DNAI4: variants seen among roughly 807,000 people sequenced by gnomAD.
DNAI4 encodes WD repeat domain 78.
DNAI4 carries 85 observed loss-of-function variants against 105.8 expected under a neutral mutation model. The observed-to-expected ratio is 0.80, with a 90% CI of 0.67 to 0.96. DNAI4 has a LOEUF of 0.96. DNAI4 is among the 40% of genes least tolerant of loss of function. The pLI, the probability that DNAI4 is intolerant of heterozygous loss-of-function variation, is 0.00. For synonymous variants in DNAI4, 352 were observed against 331.5 expected, an observed-to-expected ratio of 1.06 and a Z score of -0.67; for missense variants, 1,014 against 1,005.6, an observed-to-expected ratio of 1.01 and a Z score of -0.11.
At chr1:66,893,003 AAGAGAGAGAG>A (rs1557964747) in intron 3 of DNAI4, among the ~76,000 whole-genome samples, 3 of 111,996 alleles carry the variant, frequency 2.7e-5, no homozygotes, top group South Asian at 2.5e-4. Context: ...GAAAGAGAGA[AAGAGAGAGAG>A]GAAAGAAAGA....
chr1:66,893,121 G>C (rs533797469), intron 3 of DNAI4, 108 bp downstream of exon 3: 85 of 527,556 alleles, frequency 1.6e-4, no homozygotes, highest in South Asian at 8.5e-4. Context: ...AAGAAAGAAA[G>C]AAACTGGGAG....
rs1646845800 is a variant in DNAI4, at chr1:66,871,529, T to C, written c.801-20A>G. 6.4e-7 allele frequency: 1 copy of C among 1,551,814 alleles called. No homozygotes were observed. Among genetic ancestry groups the C allele is most frequent in the Non-Finnish European group, 8.7e-7 (1 of 1,150,590 alleles). On this transcript the variant is annotated intron_variant, in intron 5 of 16. Transcript: ENST00000371026. ...CTCTGACTGTAAAAAATAAAGTGTA[T>C]CCAACTCATTAATAAGAATCATCAC...
chr1:66,812,921 C>T lies in DNAI4; in HGVS notation c.*1209G>A, dbSNP rs1175240186. ...AGATCAAGTTTTTTATTTTCTTACA[C>T]AAGGTGTTATAGAAAATCCAATCTT... On this transcript the variant is annotated 3_prime_UTR_variant, in exon 17 of 17. Coordinates refer to ENST00000371026, the MANE Select transcript of DNAI4 (RefSeq NM_024763.5). 6.6e-6 allele frequency: 1 copy of T among 152,280 alleles called. No homozygotes were observed. The highest frequency in any genetic ancestry group is 1.9e-4 in the East Asian group (1 of 5,330). 9.4% of individuals were successfully genotyped at this position (152,280 alleles called of 1,614,324 possible).
chr1:66,824,412 C>T (rs1435172573), intron 15 of DNAI4, among the ~76,000 whole-genome samples: 9 of 152,174 alleles, frequency 5.9e-5, no homozygotes, highest in East Asian at 1.9e-4. Flanking sequence ...TGGTTCCATA[C>T]GAACTTTAAA....
chr1:66,882,713 T>G (rs1647100292), intron 4 of DNAI4, among the ~76,000 whole-genome samples: 1 of 152,152 alleles, frequency 6.6e-6, no homozygotes, highest in South Asian at 2.1e-4. Flanking sequence ...TACTTATGCT[T>G]GAAATCAGGT....
chr1:66,885,839 T>G (rs1647187842), intron 4 of DNAI4, among the ~76,000 whole-genome samples: 1 of 152,214 alleles, frequency 6.6e-6, no homozygotes, highest in African/African-American at 2.4e-5. Context: ...AGGTTTTGTG[T>G]TTTTGTTTTG....
intron 2 of DNAI4, among the ~76,000 whole-genome samples, chr1:66,903,885 C>T (rs1486578385): frequency 6.6e-6 from 1 of 152,106 alleles, no homozygotes; most frequent in Non-Finnish European, 1.5e-5. Flanking sequence ...AGGCATCCTC[C>T]TTTTGTTCTT....
intron 7 of DNAI4, among the ~76,000 whole-genome samples, chr1:66,849,304 TGCCC>T (rs76511429): frequency 0.22 from 33,683 of 151,920 alleles, 4,155 homozygotes; most frequent in East Asian, 0.55. Flanking sequence ...CTCCTATCAC[TGCCC>T]CATGGTAATG....
At chr1:66,865,060 T>G (rs1352759377) in intron 6 of DNAI4, among the ~76,000 whole-genome samples, 2 of 152,188 alleles carry the variant, frequency 1.3e-5, no homozygotes, top group African/African-American at 4.8e-5. Context: ...CGGTATATAT[T>G]TCATAATAAA....
rs887707695 is a variant in DNAI4 at position 66,905,379 on chromosome 1, T to C, written c.171-4A>G. 1 of 1,417,910 alleles carries C rather than the reference T, an allele frequency of 7.1e-7. No homozygotes were observed. Among genetic ancestry groups the C allele is most frequent in the Non-Finnish European group, 9.3e-7 (1 of 1,071,628 alleles). 87.8% of individuals were successfully genotyped at this position (1,417,910 alleles called of 1,614,324 possible). ...CTTTGGTTGTGTGGCATTGTTCCTA[T>C]ATAAGAAAAATAAAATATAATGCAA... On this transcript the variant is annotated splice_polypyrimidine_tract_variant and splice_region_variant and intron_variant, in intron 1 of 16. Transcript: ENST00000371026.
At chr1:66,909,098 A>G (rs755127246) in intron 1 of DNAI4, among the ~76,000 whole-genome samples, 5 of 152,106 alleles carry the variant, frequency 3.3e-5, no homozygotes, top group African/African-American at 9.7e-5. Flanking sequence ...TCTCTGCATC[A>G]TAAGTTTTTC....
rs771283507 is a variant in DNAI4, at chr1:66,827,922, A to C, written c.2014-12T>G. The stretch of plus-strand genomic sequence containing the variant: ...TAGATATTTGTGTCCTACAACACAA[A>C]ACATCGAAATGCATTGGCTTGTGAT... On this transcript the variant is annotated splice_polypyrimidine_tract_variant and intron_variant, in intron 13 of 16. Transcript: ENST00000371026. 3.2e-6 allele frequency: 5 copies of C among 1,539,638 alleles called. No homozygotes were observed. In the African/African-American group the frequency reaches 6.9e-5, roughly 21 times the overall value.
chr1:66,835,787 A>T lies in DNAI4; in HGVS notation c.1582-10T>A, dbSNP rs767614850. On this transcript the variant is annotated splice_polypyrimidine_tract_variant and intron_variant, in intron 10 of 16. Transcript: ENST00000371026. ...AAATACGTTCTGGCCACTAAATTTTAAAAAATTACATTTTCAATTTGTTTT... is the reference window on the plus strand; with the variant it reads ...AAATACGTTCTGGCCACTAAATTTTTAAAAATTACATTTTCAATTTGTTTT... The T allele has an allele frequency of 4.3e-6, 7 of 1,612,636 alleles. No individual in the cohort carries two copies. The Admixed American group carries it at 6.7e-5, about 15-fold the overall frequency.
chr1:66,840,347 CAA>C (rs1646122805), intron 9 of DNAI4, 120 bp downstream of exon 9: 9 of 920,068 alleles, frequency 9.8e-6, no homozygotes, highest in African/African-American at 1.7e-5. Context: ...TTCTAAAACT[CAA>C]AGTTATGGTC....
chr1:66,854,674 C>T (rs1224664127), intron 7 of DNAI4, among the ~76,000 whole-genome samples: 1 of 152,020 alleles, frequency 6.6e-6, no homozygotes, highest in East Asian at 1.9e-4. Context: ...TGGTGGTGTG[C>T]ACCTGTAATC....
At chr1:66,838,918 T>C (rs549660549) in intron 9 of DNAI4, among the ~76,000 whole-genome samples, 42 of 152,326 alleles carry the variant, frequency 2.8e-4, no homozygotes, top group African/African-American at 9.9e-4. Flanking sequence ...TCATTATTAC[T>C]GTATCTCTAG....
chr1:66,851,972 C>G (rs943778294), intron 7 of DNAI4, among the ~76,000 whole-genome samples: 2 of 151,846 alleles, frequency 1.3e-5, no homozygotes, highest in Admixed American at 1.3e-4. Context: ...TAAAGAATTT[C>G]TTCCTTGACA....
intron 7 of DNAI4, among the ~76,000 whole-genome samples, chr1:66,856,779 G>C (rs943543364): frequency 1.3e-5 from 2 of 151,864 alleles, no homozygotes; most frequent in Non-Finnish European, 2.9e-5. Flanking sequence ...GAAATATTTT[G>C]AACTAAATGA....
In DNAI4 at chr1:66,874,775, A is replaced by G; in HGVS notation, c.800+6T>C. On this transcript the variant is annotated splice_donor_region_variant and intron_variant, in intron 5 of 16. Coordinates refer to ENST00000371026, the MANE Select transcript of DNAI4 (RefSeq NM_024763.5). ...GAAACAATGTAGACAACTGAACCATACATACGTTACTTTCTCAGCTTCTTC... is the reference window on the plus strand; with the variant it reads ...GAAACAATGTAGACAACTGAACCATGCATACGTTACTTTCTCAGCTTCTTC... 6.2e-7 allele frequency: 1 copy of G among 1,602,850 alleles called. No homozygotes were observed. Among genetic ancestry groups the G allele is most frequent in the South Asian group, 1.1e-5 (1 of 88,330 alleles).
Sources: allele counts gnomAD v4.1 joint callset (sites outside exome capture counted in the v4.1 genomes callset), GRCh38; gene constraint gnomAD v4.1.1; transcripts MANE v1.5; gene names NCBI Gene and HGNC (gene_info 2026-07-23, HGNC 2026-07-21).